GRIK1: variants seen among roughly 807,000 people sequenced by gnomAD.
The protein encoded by GRIK1 is glutamate receptor ionotropic, kainate 1.
In GRIK1, 69 loss-of-function variants were observed where a neutral mutation model predicts 105.7. The ratio of observed to expected loss-of-function variants is 0.65; its 90% CI spans 0.54 to 0.80. The LOEUF (loss-of-function observed/expected upper bound fraction) is 0.80. GRIK1 is among the 30% of genes least tolerant of loss of function. The pLI is 0.00. For missense variants in GRIK1, 1,109 were observed against 1,167.3 expected (o/e 0.95, Z 0.73); for synonymous variants, 438 against 431.3 (o/e 1.02, Z -0.19).
At chr21:29,900,459 C>CAAAAAAAA (rs746842761) in intron 1 of GRIK1, among the ~76,000 whole-genome samples, 10,906 of 74,576 alleles carry the variant, frequency 0.15, 906 homozygotes, top group African/African-American at 0.23. Context: ...AAATGGAAAG[C>CAAAAAAAA]AAGAAAAAAA....
chr21:29,725,221 G>C (rs1001166069), intron 1 of GRIK1, among the ~76,000 whole-genome samples: 6 of 152,132 alleles, frequency 3.9e-5, no homozygotes, highest in African/African-American at 1.4e-4. Flanking sequence ...TATAAATGCC[G>C]TGAGAAATGA....
At chr21:29,896,483 T>A (rs775371571) in intron 1 of GRIK1, among the ~76,000 whole-genome samples, 1 of 152,154 alleles carries the variant, frequency 6.6e-6, no homozygotes, top group Non-Finnish European at 1.5e-5. Context: ...CCCTGCCATA[T>A]CCCCAGTATC....
At chr21:29,591,008 T>G (rs1366855670) in intron 10 of GRIK1, 104 bp downstream of exon 10, 1 of 761,076 alleles carries the variant, frequency 1.3e-6, no homozygotes, top group Non-Finnish European at 2.4e-6. Flanking sequence ...AAAATAGACA[T>G]TTGCAGACAG....
chr21:29,906,705 A>C (rs2070653843), intron 1 of GRIK1, among the ~76,000 whole-genome samples: 1 of 152,158 alleles, frequency 6.6e-6, no homozygotes, highest in Non-Finnish European at 1.5e-5. Flanking sequence ...TTAAAATAGT[A>C]TTTAGAACCA....
intron 1 of GRIK1, among the ~76,000 whole-genome samples, chr21:29,902,680 G>T (rs1484333141): frequency 6.6e-6 from 1 of 152,190 alleles, no homozygotes; most frequent in Non-Finnish European, 1.5e-5. Flanking sequence ...CATGCTCATG[G>T]ATAGGAAGAA....
chr21:29,854,811 C>T (rs1386316929), intron 1 of GRIK1, among the ~76,000 whole-genome samples: 1 of 152,166 alleles, frequency 6.6e-6, no homozygotes, highest in Non-Finnish European at 1.5e-5. Context: ...TTTCACTCTT[C>T]CTTGATCAAA....
At chr21:29,872,454 C>A (rs1345352944) in intron 1 of GRIK1, among the ~76,000 whole-genome samples, 1 of 152,038 alleles carries the variant, frequency 6.6e-6, no homozygotes, top group Non-Finnish European at 1.5e-5. Context: ...CTGCCTCCTG[C>A]TCTGACTTCT....
chr21:29,718,451 G>C (rs1182596191), intron 1 of GRIK1, among the ~76,000 whole-genome samples: 4 of 152,122 alleles, frequency 2.6e-5, no homozygotes, highest in Non-Finnish European at 2.9e-5. Flanking sequence ...TGGTTTCCTT[G>C]GAAAATACAT....
chr21:29,927,553 T>C (rs949885282), intron 1 of GRIK1, among the ~76,000 whole-genome samples: 5 of 150,346 alleles, frequency 3.3e-5, no homozygotes, highest in African/African-American at 1.2e-4. Context: ...TACACACTTA[T>C]TATATTATAT....
intron 3 of GRIK1, among the ~76,000 whole-genome samples, chr21:29,675,056 T>C (rs1371411420): frequency 2.0e-5 from 3 of 152,224 alleles, no homozygotes; most frequent in Non-Finnish European, 4.4e-5. Context: ...ATTTGTAATA[T>C]GTGTTAATCT....
At chr21:29,708,357 G>A (rs368356986) in intron 1 of GRIK1, among the ~76,000 whole-genome samples, 2 of 152,156 alleles carry the variant, frequency 1.3e-5, no homozygotes, top group South Asian at 2.1e-4. Context: ...GATATAAAAT[G>A]GTCAGTATTT....
In GRIK1 at chr21:29,651,127, G is replaced by T. The variant is rs754257722; in HGVS notation, c.945C>A (p.Gly315=). The T allele has an allele frequency of 4.5e-5, 72 of 1,606,352 alleles. No homozygotes were observed. Among genetic ancestry groups the T allele is most frequent in the Non-Finnish European group, 5.9e-5 (70 of 1,177,286 alleles). The part of the protein sequence containing the change: ...PPRPETGLLD[G]MMTTEAALMY... ...TTTGAAAATGACTTACTGTCATCAT[G>T]CCATCCAAAAGGCCAGTCTCGGGCC... is the stretch of plus-strand genomic sequence containing the variant. Residue 315 remains glycine, a synonymous_variant, in exon 6 of 18, where the codon GGC becomes GGA. Coordinates refer to ENST00000327783, the MANE Select transcript of GRIK1 (RefSeq NM_001330994.2).
intron 16 of GRIK1, among the ~76,000 whole-genome samples, chr21:29,542,067 A>G (rs539392870): frequency 6.6e-6 from 1 of 152,120 alleles, no homozygotes; most frequent in East Asian, 1.9e-4. Context: ...CCTTTCCTTT[A>G]GAGGAAAGGA....
At chr21:29,541,624 T>C (rs1033320175) in intron 16 of GRIK1, among the ~76,000 whole-genome samples, 5 of 144,358 alleles carry the variant, frequency 3.5e-5, no homozygotes, top group African/African-American at 1.3e-4. Flanking sequence ...AAAAGGTTGA[T>C]GGTTCTTTAA....
Position 29,796,339 on chromosome 21 carries a change from T to G in GRIK1, c.119-102276A>C, listed in dbSNP as rs528529408. Among the ~76,000 whole-genome samples the G allele has an allele frequency of 2.6e-5, 4 of 152,264 alleles. No homozygotes were observed. In the East Asian group the frequency reaches 5.8e-4, roughly 22 times the overall value. ...TCCATTTAATGAATGGAGACCAAAG[T>G]AAAATTTGGAGAAAGACCTAAACTG... On this transcript the variant is annotated intron_variant, in intron 1 of 17. Coordinates refer to ENST00000327783, the MANE Select transcript of GRIK1 (RefSeq NM_001330994.2).
intron 8 of GRIK1, 67 bp from the exon 9 acceptor site, chr21:29,596,637 A>G: frequency 7.1e-6 from 8 of 1,129,246 alleles, no homozygotes; most frequent in Non-Finnish European, 1.1e-5. Context: ...GAAACCCAGA[A>G]GGAATCATGG....
At chr21:29,693,855 A>G (rs2063633769) in intron 2 of GRIK1, 41 bp downstream of exon 2, 1 of 1,477,734 alleles carries the variant, frequency 6.8e-7, no homozygotes. Flanking sequence ...GAGAGCAGAC[A>G]TATCACCCAA....
chr21:29,787,662 G>A (rs1040794248), intron 1 of GRIK1, among the ~76,000 whole-genome samples: 2 of 152,002 alleles, frequency 1.3e-5, no homozygotes, highest in African/African-American at 2.4e-5. Context: ...ATTTTCCAAC[G>A]AACAGTATTT....
intron 1 of GRIK1, among the ~76,000 whole-genome samples, chr21:29,808,570 A>G (rs1241990234): frequency 6.6e-6 from 1 of 152,202 alleles, no homozygotes; most frequent in Non-Finnish European, 1.5e-5. Flanking sequence ...TTTATATTAC[A>G]GATGAATAAG....
Sources: gnomAD v4.1 joint callset for allele counts (sites outside exome capture counted in the v4.1 genomes callset) on GRCh38, gnomAD v4.1.1 for gene constraint, MANE v1.5 for transcripts, NCBI Gene and HGNC (gene_info 2026-07-23, HGNC 2026-07-21) for gene names.